NDUFS4: variants seen among roughly 807,000 people sequenced by gnomAD.
The protein encoded by NDUFS4 is NADH dehydrogenase [ubiquinone] iron-sulfur protein 4, mitochondrial.
NDUFS4 carries 28 observed loss-of-function variants against 24.3 expected under a neutral mutation model. The observed-to-expected ratio is 1.15, with a 90% confidence interval of 0.85 to 1.58. NDUFS4 has a LOEUF of 1.58. Ranked by LOEUF, NDUFS4 falls within the 40% of genes most tolerant of loss-of-function variation. NDUFS4 has a pLI of 0.00. For synonymous variants in NDUFS4, 93 were observed against 69.7 expected (o/e 1.34, Z -1.67); for missense variants, 223 against 207.9 (o/e 1.07, Z -0.45).
At chr5:53,651,774 C>CT (rs34235265) in intron 3 of NDUFS4, among the ~76,000 whole-genome samples, 12,215 of 117,998 alleles carry the variant, frequency 0.1, 691 homozygotes, top group Middle Eastern at 0.14. Flanking sequence ...TAACTTTATT[C>CT]TTTTTTTTTT....
chr5:53,572,798 C>T (rs929806969), intron 1 of NDUFS4, among the ~76,000 whole-genome samples: 2 of 151,852 alleles, frequency 1.3e-5, no homozygotes, highest in Non-Finnish European at 2.9e-5. Flanking sequence ...GCATGTGCCA[C>T]CATGCCTGGC....
At chr5:53,562,687 A>G (rs981681624) in intron 1 of NDUFS4, among the ~76,000 whole-genome samples, 1 of 152,148 alleles carries the variant, frequency 6.6e-6, no homozygotes, top group Non-Finnish European at 1.5e-5. Context: ...TTTGAGGGAA[A>G]TTTATAGACC....
At chr5:53,584,769 C>CTGTTTTTG (rs1749687702) in intron 1 of NDUFS4, among the ~76,000 whole-genome samples, 1 of 143,028 alleles carries the variant, frequency 7.0e-6, no homozygotes, top group Admixed American at 6.9e-5. Context: ...AAAATGTTTT[C>CTGTTTTTG]TGTTTTTGTT....
At chr5:53,635,516 T>C (rs771125493) in intron 2 of NDUFS4, among the ~76,000 whole-genome samples, 10 of 152,050 alleles carry the variant, frequency 6.6e-5, no homozygotes, top group Non-Finnish European at 1.3e-4. Context: ...TGAGATCCTT[T>C]CTCAAAATAA....
At chr5:53,580,677 TTC>T (rs1477815346) in intron 1 of NDUFS4, among the ~76,000 whole-genome samples, 3 of 146,062 alleles carry the variant, frequency 2.1e-5, no homozygotes, top group African/African-American at 7.5e-5. Flanking sequence ...CTTTCTTTCT[TTC>T]TCTTTCGTCC....
intron 2 of NDUFS4, among the ~76,000 whole-genome samples, chr5:53,639,867 C>G (rs892504827): frequency 1.9e-4 from 29 of 152,108 alleles, no homozygotes; most frequent in African/African-American, 6.7e-4. Flanking sequence ...CAAGAGAAGA[C>G]AGGTAGGAAA....
chr5:53,638,984 T>A (rs1751632743), intron 2 of NDUFS4, among the ~76,000 whole-genome samples: 1 of 152,022 alleles, frequency 6.6e-6, no homozygotes, highest in Admixed American at 6.6e-5. Context: ...TCCATAAGCC[T>A]TTTTTAGTCT....
chr5:53,645,377 G>C (rs1465411423), intron 2 of NDUFS4, among the ~76,000 whole-genome samples: 1 of 152,118 alleles, frequency 6.6e-6, no homozygotes, highest in Non-Finnish European at 1.5e-5. Flanking sequence ...CACATGCTTA[G>C]CATTCCAATA....
intron 2 of NDUFS4, among the ~76,000 whole-genome samples, chr5:53,611,852 T>C (rs763576965): frequency 6.6e-6 from 1 of 152,148 alleles, no homozygotes; most frequent in Non-Finnish European, 1.5e-5. Flanking sequence ...TTGTCTTTTT[T>C]ATATTCACTT....
At chr5:53,668,616 ATT>A (rs951595795) in intron 4 of NDUFS4, among the ~76,000 whole-genome samples, 12,767 of 132,174 alleles carry the variant, frequency 0.097, 688 homozygotes, top group Non-Finnish European at 0.13. Flanking sequence ...TGTCCAGCTA[ATT>A]TTTTTTTTTT....
chr5:53,583,400 A>G (rs1749636558), intron 1 of NDUFS4, among the ~76,000 whole-genome samples: 1 of 152,206 alleles, frequency 6.6e-6, no homozygotes, highest in Non-Finnish European at 1.5e-5. Context: ...TTGGGTTATT[A>G]GAACTCTAAA....
At chr5:53,659,026 G>C (rs1409752731) in intron 4 of NDUFS4, among the ~76,000 whole-genome samples, 1 of 152,022 alleles carries the variant, frequency 6.6e-6, no homozygotes, top group Non-Finnish European at 1.5e-5. Context: ...CCAAAATCTA[G>C]TCTATTAATC....
chr5:53,656,796 A>G (rs1323296710), intron 3 of NDUFS4, among the ~76,000 whole-genome samples: 1 of 152,134 alleles, frequency 6.6e-6, no homozygotes, highest in African/African-American at 2.4e-5. Flanking sequence ...CATCTTGGTG[A>G]AGGGTGGATT....
Position 53,683,306 on chromosome 5 carries a change from T to TA in NDUFS4, c.*87dup. On this transcript the variant is annotated 3_prime_UTR_variant, in exon 5 of 5. Coordinates refer to ENST00000296684, the MANE Select transcript of NDUFS4 (RefSeq NM_002495.4). ...GTCCATGTATAATAAATACATCTCTTAATCTCCTAATAAATTGGACCTTTA... is the reference window on the plus strand; with the variant it reads ...GTCCATGTATAATAAATACATCTCTTAAATCTCCTAATAAATTGGACCTTTA... 2 of 952,562 alleles carry TA rather than the reference T, an allele frequency of 2.1e-6. No individual in the cohort carries two copies. Among genetic ancestry groups the TA allele is most frequent in the Non-Finnish European group, 3.4e-6 (2 of 587,576 alleles). 59.0% of individuals were successfully genotyped at this position (952,562 alleles called of 1,614,324 possible).
At chr5:53,563,144 G>T (rs1224267292) in intron 1 of NDUFS4, among the ~76,000 whole-genome samples, 1 of 151,804 alleles carries the variant, frequency 6.6e-6, no homozygotes, top group Non-Finnish European at 1.5e-5. Flanking sequence ...CAGGAGGATG[G>T]CGTGAACCCG....
chr5:53,620,135 A>C (rs952233996), intron 2 of NDUFS4, among the ~76,000 whole-genome samples: 20 of 152,154 alleles, frequency 1.3e-4, no homozygotes, highest in African/African-American at 4.3e-4. Flanking sequence ...AAAAAAAAAA[A>C]AGTATCAACA....
Position 53,603,574 on chromosome 5 carries a change from G to T in NDUFS4, c.177+44G>T, listed in dbSNP as rs773483033. On this transcript the variant is annotated intron_variant, in intron 2 of 4. Transcript: ENST00000296684. ...ACACTGCTATGGTTCTGCCTTCAGG[G>T]TTATTTTTGTACTATAGATATTCAG... 4.1e-6 allele frequency: 6 copies of T among 1,476,592 alleles called. No homozygotes were observed. The Admixed American group carries it at 5.0e-5, about 12-fold the overall frequency. 91.5% of individuals were successfully genotyped at this position (1,476,592 alleles called of 1,614,324 possible).
At chr5:53,632,140 G>C (rs1433235262) in intron 2 of NDUFS4, among the ~76,000 whole-genome samples, 1 of 152,190 alleles carries the variant, frequency 6.6e-6, no homozygotes, top group Non-Finnish European at 1.5e-5. Context: ...CTGCAGACCA[G>C]AGCAGTTCCT....
chr5:53,678,665 T>A (rs910539600), intron 4 of NDUFS4, among the ~76,000 whole-genome samples: 2 of 152,056 alleles, frequency 1.3e-5, no homozygotes, highest in African/African-American at 4.8e-5. Context: ...CTCTTTCTTT[T>A]AAAAAAAATT....
Sources: allele counts gnomAD v4.1 joint callset (sites outside exome capture counted in the v4.1 genomes callset), GRCh38; gene constraint gnomAD v4.1.1; transcripts MANE v1.5; gene names NCBI Gene and HGNC (gene_info 2026-07-23, HGNC 2026-07-21).